Variants in GLI3 observed in about 807,000 individuals in gnomAD.
The protein encoded by GLI3 is transcription activator GLI3.
Under a neutral mutation model 100.8 loss-of-function variants are expected in GLI3, and 20 were observed. The observed-to-expected ratio is 0.20, with a 90% CI of 0.14 to 0.29. GLI3 has a LOEUF of 0.29. Ranked by LOEUF, GLI3 falls within the 10% of genes least tolerant of loss-of-function variation. GLI3 has a pLI of 1.00. For synonymous variants in GLI3, 938 were observed against 860.5 expected (o/e 1.09, Z -1.58); for missense variants, 2,040 against 2,128.5 (o/e 0.96, Z 0.82).
chr7:42,139,907 G>A (rs1203257000), intron 3 of GLI3, among the ~76,000 whole-genome samples: 2 of 152,144 alleles, frequency 1.3e-5, no homozygotes, highest in Non-Finnish European at 2.9e-5. Context: ...AAGGGCCATG[G>A]AACAAGTCTT....
intron 3 of GLI3, among the ~76,000 whole-genome samples, chr7:42,127,215 G>A (rs750084537): frequency 1.3e-4 from 20 of 152,174 alleles, no homozygotes; most frequent in Admixed American, 2.6e-4. Context: ...AGCAGTAAGC[G>A]GACCTCAGAG....
chr7:42,231,059 T>C (rs1173047676), intron 1 of GLI3, among the ~76,000 whole-genome samples: 1 of 152,240 alleles, frequency 6.6e-6, no homozygotes, highest in Non-Finnish European at 1.5e-5. Flanking sequence ...AAGAAAAAAC[T>C]TTAATTATTC....
intron 7 of GLI3, among the ~76,000 whole-genome samples, chr7:42,039,467 C>T (rs1784085919): frequency 6.6e-6 from 1 of 152,158 alleles, no homozygotes; most frequent in African/African-American, 2.4e-5. Flanking sequence ...TCAGATTAAG[C>T]TAAAAATACT....
upstream of GLI3, among the ~76,000 whole-genome samples, chr7:42,241,774 CCT>C (rs1788927541): frequency 6.6e-6 from 1 of 152,092 alleles, no homozygotes; most frequent in Non-Finnish European, 1.5e-5. Flanking sequence ...GATCTAAAAC[CCT>C]CTCTTTGGAT....
intron 10 of GLI3, among the ~76,000 whole-genome samples, chr7:41,990,298 T>C (rs1009240787): frequency 3.9e-5 from 6 of 152,208 alleles, no homozygotes; most frequent in African/African-American, 1.4e-4. Context: ...TATTTCCTAA[T>C]TTTTATGATT....
chr7:42,118,667 G>A (rs67627149), intron 3 of GLI3, among the ~76,000 whole-genome samples: 16,352 of 152,152 alleles, frequency 0.11, 967 homozygotes, highest in African/African-American at 0.17. Flanking sequence ...AGAATGACGT[G>A]ATCATCTTGA....
At chr7:42,024,418 A>T (rs963812264) in intron 9 of GLI3, among the ~76,000 whole-genome samples, 4 of 122,442 alleles carry the variant, frequency 3.3e-5, no homozygotes, top group Non-Finnish European at 3.3e-5. Flanking sequence ...AAGAGGAAAG[A>T]TCCATTTCAG....
chr7:42,035,890 T>A (rs1310343967), intron 7 of GLI3, among the ~76,000 whole-genome samples: 2 of 152,184 alleles, frequency 1.3e-5, no homozygotes, highest in African/African-American at 4.8e-5. Flanking sequence ...GTCTTCCAGG[T>A]GATGGAGAAG....
intron 2 of GLI3, among the ~76,000 whole-genome samples, chr7:42,168,758 C>A (rs924019104): frequency 6.6e-6 from 1 of 151,772 alleles, no homozygotes; most frequent in Admixed American, 6.6e-5. Flanking sequence ...CTCTAAAAAA[C>A]GTTTTAAAAA....
chr7:42,172,670 G>A, intron 2 of GLI3: 1 of 701,482 alleles, frequency 1.4e-6, no homozygotes, highest in East Asian at 2.7e-5. Flanking sequence ...CTCTGGCCTG[G>A]GCCTCCAAAT....
At chr7:42,181,556 G>A (rs1341611624) in intron 2 of GLI3, among the ~76,000 whole-genome samples, 1 of 152,122 alleles carries the variant, frequency 6.6e-6, no homozygotes, top group East Asian at 1.9e-4. Flanking sequence ...AATGAACCAT[G>A]ATCACAACTT....
At chr7:42,166,906 C>A (rs1288995866) in intron 2 of GLI3, among the ~76,000 whole-genome samples, 2 of 151,608 alleles carry the variant, frequency 1.3e-5, no homozygotes, top group African/African-American at 4.9e-5. Flanking sequence ...GCTCACTGCA[C>A]CCTCTGCCTC....
chr7:42,157,596 T>C (rs1583607718), intron 2 of GLI3, among the ~76,000 whole-genome samples: 1 of 152,206 alleles, frequency 6.6e-6, no homozygotes, highest in Non-Finnish European at 1.5e-5. Flanking sequence ...ATACAAAATT[T>C]CTAAACAAAA....
intron 1 of GLI3, among the ~76,000 whole-genome samples, chr7:42,224,403 T>C (rs1788545922): frequency 6.6e-6 from 1 of 152,214 alleles, no homozygotes; most frequent in Non-Finnish European, 1.5e-5. Flanking sequence ...CTTTAACACA[T>C]ATTTGCAAGG....
At chr7:42,136,143 A>C (rs1201212148) in intron 3 of GLI3, among the ~76,000 whole-genome samples, 1 of 152,230 alleles carries the variant, frequency 6.6e-6, no homozygotes, top group Non-Finnish European at 1.5e-5. Context: ...TTATTATACA[A>C]ACTGTTCTTG....
intron 10 of GLI3, among the ~76,000 whole-genome samples, chr7:41,988,971 T>C (rs1309299119): frequency 6.6e-6 from 1 of 152,206 alleles, no homozygotes; most frequent in African/African-American, 2.4e-5. Flanking sequence ...TGATTTTACA[T>C]GGAGAAGTAA....
intron 11 of GLI3, among the ~76,000 whole-genome samples, chr7:41,978,226 A>C (rs1395966118): frequency 1.3e-5 from 2 of 152,200 alleles, no homozygotes; most frequent in African/African-American, 4.8e-5. Flanking sequence ...CTCACTAGGA[A>C]AGGAAGGGAA....
At chr7:42,140,897 A>G (rs1000941018) in intron 3 of GLI3, among the ~76,000 whole-genome samples, 3 of 152,178 alleles carry the variant, frequency 2.0e-5, no homozygotes, top group Non-Finnish European at 4.4e-5. Flanking sequence ...AAATGGCAAG[A>G]GTTGCTGTTT....
intron 3 of GLI3, among the ~76,000 whole-genome samples, chr7:42,105,176 A>C (rs569391898): frequency 6.6e-5 from 10 of 152,164 alleles, no homozygotes; most frequent in Non-Finnish European, 4.4e-5. Flanking sequence ...TCCTGGTCTG[A>C]CATGTGCCTG....
Sources: gnomAD v4.1 joint callset for allele counts (sites outside exome capture counted in the v4.1 genomes callset) on GRCh38, gnomAD v4.1.1 for gene constraint, MANE v1.5 for transcripts, NCBI Gene and HGNC (gene_info 2026-07-23, HGNC 2026-07-21) for gene names.